FMN2: variants seen among roughly 807,000 people sequenced by gnomAD.
FMN2 encodes formin-2.
In FMN2, 51 loss-of-function variants were observed where a neutral mutation model predicts 142.3. The observed-to-expected ratio is 0.36, with a 90% confidence interval of 0.29 to 0.45. FMN2 has a LOEUF of 0.45. Ranked by LOEUF, FMN2 falls within the 20% of genes least tolerant of loss-of-function variation. The pLI, the probability that FMN2 is intolerant of heterozygous loss-of-function variation, is 1.00. For synonymous variants in FMN2, 882 were observed against 869.8 expected (o/e 1.01, Z -0.25); for missense variants, 1,936 against 2,122.8 (o/e 0.91, Z 1.73).
intron 14 of FMN2, among the ~76,000 whole-genome samples, chr1:240,388,982 G>A (rs1370334124): frequency 5.3e-5 from 8 of 151,644 alleles, no homozygotes; most frequent in African/African-American, 1.9e-4. Flanking sequence ...TGTCTATTTT[G>A]AATGCTGCTT....
Position 240,317,503 on chromosome 1 carries a change from C to T in FMN2, c.4216-11573C>T, listed in dbSNP as rs370983388. 3.3e-5 allele frequency among the ~76,000 whole-genome samples: 5 copies of T among 152,140 alleles called. No individual in the cohort carries two copies. In the East Asian group the frequency reaches 5.8e-4, roughly 18 times the overall value. ...TAAATGGAATCATACGGTATATAAC[C>T]TTTTAAGATTAGCTTTTTTCCACTC... is the stretch of plus-strand genomic sequence containing the variant. On this transcript the variant is annotated intron_variant, in intron 8 of 17. Coordinates refer to ENST00000319653, the MANE Select transcript of FMN2 (RefSeq NM_020066.5).
chr1:240,143,127 G>T, intron 2 of FMN2: 1 of 1,563,204 alleles, frequency 6.4e-7, no homozygotes. Context: ...GAGGTCGTTG[G>T]GGTCCTTGGC....
chr1:240,402,590 A>G (rs1674028869), intron 15 of FMN2, among the ~76,000 whole-genome samples: 1 of 152,222 alleles, frequency 6.6e-6, no homozygotes, highest in Non-Finnish European at 1.5e-5. Context: ...GAATATTGTT[A>G]AGGTTGGCTT....
intron 8 of FMN2, among the ~76,000 whole-genome samples, chr1:240,316,704 A>G (rs1670793393): frequency 1.3e-5 from 2 of 152,272 alleles, no homozygotes; most frequent in Middle Eastern, 3.4e-3. Flanking sequence ...AATAGAACGG[A>G]TGATCAATGG....
chr1:240,352,272 G>C (rs1460037950), intron 13 of FMN2, among the ~76,000 whole-genome samples: 1 of 152,144 alleles, frequency 6.6e-6, no homozygotes, highest in Non-Finnish European at 1.5e-5. Context: ...TCAGTAGATA[G>C]TTGATCGATA....
chr1:240,405,003 T>A (rs1422204843), intron 15 of FMN2, among the ~76,000 whole-genome samples: 1 of 152,234 alleles, frequency 6.6e-6, no homozygotes, highest in African/African-American at 2.4e-5. Flanking sequence ...TTCCTTTGTA[T>A]AAACTTGAGA....
chr1:240,214,148 A>T (rs543128763), intron 6 of FMN2, among the ~76,000 whole-genome samples: 1 of 152,340 alleles, frequency 6.6e-6, no homozygotes, highest in Admixed American at 6.5e-5. Flanking sequence ...ATAGAAGTTT[A>T]TCAGAATATA....
At chr1:240,249,282 A>G (rs550051376) in intron 6 of FMN2, among the ~76,000 whole-genome samples, 6 of 152,100 alleles carry the variant, frequency 3.9e-5, no homozygotes, top group East Asian at 1.9e-4. Flanking sequence ...GTATATGGTG[A>G]GAGATAAGGG....
At chr1:240,278,089 C>A (rs1669278121) in intron 7 of FMN2, among the ~76,000 whole-genome samples, 1 of 152,046 alleles carries the variant, frequency 6.6e-6, no homozygotes, top group African/African-American at 2.4e-5. Flanking sequence ...CCAATGAACC[C>A]CGATTCCTAT....
At chr1:240,228,327 A>AAAAAAAAAAAGAAAAG (rs1667404340) in intron 6 of FMN2, among the ~76,000 whole-genome samples, 1 of 78,390 alleles carries the variant, frequency 1.3e-5, no homozygotes, top group Non-Finnish European at 2.3e-5. Flanking sequence ...AAAAAAAAAA[A>AAAAAAAAAAAGAAAAG]AAAAAGAAAA....
rs151243419 is a variant in FMN2, at chr1:240,463,831, C to T, written c.5061-8541C>T. ...CAGCCTGGCCAACATGGTGAAGCCC[C>T]GTCTCTAGTTAAAACACAAAAATTA... On this transcript the variant is annotated intron_variant, in intron 16 of 17. Coordinates refer to ENST00000319653, the MANE Select transcript of FMN2 (RefSeq NM_020066.5). Among the ~76,000 whole-genome samples, 401 of 151,808 alleles carry T rather than the reference C, an allele frequency of 2.6e-3. 2 individuals carry two copies. Among genetic ancestry groups the T allele is most frequent in the African/African-American group, 8.6e-3 (357 of 41,400 alleles).
At chr1:240,244,658 T>C (rs1668020571) in intron 6 of FMN2, among the ~76,000 whole-genome samples, 1 of 152,222 alleles carries the variant, frequency 6.6e-6, no homozygotes, top group South Asian at 2.1e-4. Flanking sequence ...ATTCAAATAC[T>C]TCCTTTTCAA....
rs1430910173 is a variant in FMN2 at position 240,467,214 on chromosome 1, C to G, written c.5061-5158C>G. Among the ~76,000 whole-genome samples, 9 of 152,020 alleles carry G rather than the reference C, an allele frequency of 5.9e-5. No individual in the cohort carries two copies. The East Asian group carries it at 1.7e-3, about 29-fold the overall frequency. ...TTAGGAAGGGGGCCCTGTATTACAG[C>G]ACATTACAACAGTGAAGTGTCCAAT... On this transcript the variant is annotated intron_variant, in intron 16 of 17. Transcript: ENST00000319653.
At chr1:240,247,889 C>T (rs1268218825) in intron 6 of FMN2, among the ~76,000 whole-genome samples, 2 of 152,082 alleles carry the variant, frequency 1.3e-5, no homozygotes, top group African/African-American at 2.4e-5. Flanking sequence ...GCATAGAATG[C>T]GTGGTGATGA....
At chr1:240,236,411 C>T (rs1667712360) in intron 6 of FMN2, among the ~76,000 whole-genome samples, 1 of 152,138 alleles carries the variant, frequency 6.6e-6, no homozygotes, top group Non-Finnish European at 1.5e-5. Context: ...ATTATGTGTT[C>T]CAGAATCATT....
chr1:240,279,436 T>A (rs1270661812), intron 7 of FMN2, among the ~76,000 whole-genome samples: 1 of 152,078 alleles, frequency 6.6e-6, no homozygotes, highest in African/African-American at 2.4e-5. Flanking sequence ...ATAATCTCCT[T>A]TGTGAAGACA....
At chr1:240,152,510 A>G (rs1045219109) in intron 2 of FMN2, among the ~76,000 whole-genome samples, 1 of 151,904 alleles carries the variant, frequency 6.6e-6, no homozygotes, top group South Asian at 2.1e-4. Flanking sequence ...TCCGTTTCCA[A>G]ATTTGTCCTA....
At chr1:240,277,373 A>C (rs945350879) in intron 7 of FMN2, among the ~76,000 whole-genome samples, 1 of 151,534 alleles carries the variant, frequency 6.6e-6, no homozygotes, top group South Asian at 2.1e-4. Context: ...CAGCAGGTCT[A>C]AACTCTCCCG....
chr1:240,328,151 AAAAAAAAAAAAAAAAAAAAAAG>A (rs1246636867), intron 8 of FMN2, among the ~76,000 whole-genome samples: 1 of 140,686 alleles, frequency 7.1e-6, no homozygotes, highest in Non-Finnish European at 1.5e-5. Flanking sequence ...CCATCTCAAA[AAAAAAAAAAAAAAAAAAAAAAG>A]AAAAAGAAAA....
Sources: gnomAD v4.1 joint callset for allele counts (sites outside exome capture counted in the v4.1 genomes callset) on GRCh38, gnomAD v4.1.1 for gene constraint, MANE v1.5 for transcripts, NCBI Gene and HGNC (gene_info 2026-07-23, HGNC 2026-07-21) for gene names.